Variants in DCAF5 observed in about 807,000 individuals in gnomAD.
The protein encoded by DCAF5 is DDB1 and CUL4 associated factor 5, also known as DDB1- and CUL4-associated factor 5.
A neutral mutation model predicts 80.7 loss-of-function variants in DCAF5; 9 were observed. The ratio of observed to expected loss-of-function variants is 0.11; its 90% CI spans 0.07 to 0.19. The LOEUF is 0.19. Among genes scored for constraint, DCAF5 ranks in the 10% least tolerant of loss-of-function variants. The pLI, the probability that DCAF5 is intolerant of heterozygous loss-of-function variation, is 1.00. For missense variants in DCAF5, 842 were observed against 1,205.7 expected (o/e 0.70, Z 4.47); for synonymous variants, 433 against 461.9 (o/e 0.94, Z 0.80).
At chr14:69,103,160 T>C (rs555156128) in intron 5 of DCAF5, among the ~76,000 whole-genome samples, 2 of 152,334 alleles carry the variant, frequency 1.3e-5, no homozygotes, top group East Asian at 3.9e-4. Context: ...GAGTGAAAAG[T>C]CCAGTTGTAG....
At chr14:69,077,309 C>A (rs2038936746) in intron 6 of DCAF5, among the ~76,000 whole-genome samples, 1 of 151,428 alleles carries the variant, frequency 6.6e-6, no homozygotes, top group Non-Finnish European at 1.5e-5. Flanking sequence ...CTCCAGTGAT[C>A]CTCCTGCTTC....
At chr14:69,074,407 A>AG (rs560181236) in intron 7 of DCAF5, among the ~76,000 whole-genome samples, 107 of 151,926 alleles carry the variant, frequency 7.0e-4, no homozygotes, top group Middle Eastern at 3.4e-3. Flanking sequence ...GAAAAAGAAA[A>AG]GGGGGGGGAA....
intron 1 of DCAF5, among the ~76,000 whole-genome samples, chr14:69,131,811 G>T (rs1295838355): frequency 3.3e-5 from 5 of 149,320 alleles, no homozygotes; most frequent in Non-Finnish European, 7.4e-5. Flanking sequence ...GAGTTTTGTG[G>T]CATTAACTAC....
chr14:69,107,198 C>G (rs1488976299), intron 5 of DCAF5, among the ~76,000 whole-genome samples: 1 of 152,046 alleles, frequency 6.6e-6, no homozygotes, highest in Admixed American at 6.5e-5. Flanking sequence ...CCAGGCATTC[C>G]CCAGATGCTC....
At chr14:69,084,053 C>A (rs758249042) in intron 6 of DCAF5, 7 of 780,778 alleles carry the variant, frequency 9.0e-6, no homozygotes, top group Non-Finnish European at 2.4e-6. Flanking sequence ...CTACAAAAAC[C>A]GTCAGTGGTA....
chr14:69,130,814 T>C (rs1000139992), intron 1 of DCAF5, among the ~76,000 whole-genome samples: 8 of 152,194 alleles, frequency 5.3e-5, no homozygotes, highest in Non-Finnish European at 1.2e-4. Context: ...AAGATGGTGC[T>C]ATAGAAGGGT....
In DCAF5 at chr14:69,054,249, G is replaced by A. The variant is rs1251589262; in HGVS notation, c.2437C>T (p.Pro813Ser). The part of the protein sequence containing the change: ...STLNSGSGNC[P>S]RTQSDDSEER... ...TCACTGTCATCAGACTGGGTCCTGG[G>A]ACAGTTGCCAGACCCGCTGTTGAGA... Residue 813 changes from proline to serine, a missense_variant, in exon 9 of 9, where the codon CCC becomes TCC. By Grantham distance (74) the Pro-to-Ser change is moderately conservative. Transcript: ENST00000341516. The A allele has an allele frequency of 6.2e-7, 1 of 1,614,136 alleles. No individual in the cohort carries two copies. Among genetic ancestry groups the A allele is most frequent in the Non-Finnish European group, 8.5e-7 (1 of 1,180,054 alleles).
chr14:69,093,852 C>A (rs1285615155), intron 5 of DCAF5, among the ~76,000 whole-genome samples: 3 of 152,258 alleles, frequency 2.0e-5, no homozygotes, highest in East Asian at 3.9e-4. Flanking sequence ...CAAGGAGGGG[C>A]CTGGTATCCC....
intron 1 of DCAF5, among the ~76,000 whole-genome samples, chr14:69,139,251 C>G (rs1281895248): frequency 6.6e-6 from 1 of 151,646 alleles, no homozygotes; most frequent in African/African-American, 2.4e-5. Flanking sequence ...CTTTGGGAGG[C>G]AGGGTGGGAA....
intron 5 of DCAF5, among the ~76,000 whole-genome samples, chr14:69,097,048 A>C (rs947387892): frequency 6.6e-6 from 1 of 152,164 alleles, no homozygotes; most frequent in Non-Finnish European, 1.5e-5. Context: ...CAAGACAAGA[A>C]GTTGGGGTGG....
intron 1 of DCAF5, among the ~76,000 whole-genome samples, chr14:69,147,886 A>G (rs562094342): frequency 9.9e-5 from 15 of 152,284 alleles, no homozygotes; most frequent in Non-Finnish European, 2.1e-4. Flanking sequence ...TGCTAGCTCT[A>G]TAAGTTCCAA....
intron 3 of DCAF5, 161 bp downstream of exon 3, chr14:69,119,031 CTT>C: frequency 1.6e-6 from 1 of 642,246 alleles, no homozygotes; most frequent in Non-Finnish European, 2.5e-6. Context: ...TAAATCAAAA[CTT>C]TATTTATTTC....
intron 5 of DCAF5, among the ~76,000 whole-genome samples, chr14:69,095,813 C>G (rs1424546579): frequency 6.6e-6 from 1 of 152,086 alleles, no homozygotes; most frequent in African/African-American, 2.4e-5. Context: ...CTGGTGGTAC[C>G]AACAAGATTT....
At chr14:69,093,868 G>A (rs2039610635) in intron 5 of DCAF5, among the ~76,000 whole-genome samples, 1 of 152,134 alleles carries the variant, frequency 6.6e-6, no homozygotes, top group African/African-American at 2.4e-5. Flanking sequence ...ATCCCTGCAG[G>A]CCCCAAGTAG....
chr14:69,050,995 G>C lies in DCAF5; in HGVS notation c.*2862C>G, dbSNP rs1457162505. Reference sequence around the variant, plus strand: ...CGTTACTGGGTGAGAAGGAGGTAAGGCTTCAGCAGAGGAAGGCACCTTGAC... The same window carrying C: ...CGTTACTGGGTGAGAAGGAGGTAAGCCTTCAGCAGAGGAAGGCACCTTGAC... On this transcript the variant is annotated 3_prime_UTR_variant, in exon 9 of 9. Coordinates refer to ENST00000341516, the MANE Select transcript of DCAF5 (RefSeq NM_003861.3). The C allele has an allele frequency of 6.6e-6, 1 of 152,598 alleles. No homozygotes were observed. Among genetic ancestry groups the C allele is most frequent in the African/African-American group, 2.4e-5 (1 of 41,430 alleles). 9.5% of individuals were successfully genotyped at this position (152,598 alleles called of 1,614,324 possible).
chr14:69,109,965 C>T (rs986629953), intron 5 of DCAF5, among the ~76,000 whole-genome samples: 1 of 152,136 alleles, frequency 6.6e-6, no homozygotes, highest in African/African-American at 2.4e-5. Flanking sequence ...TTGGTCCATA[C>T]CCTTGTTAAC....
At chr14:69,085,663 C>T (rs888009837) in intron 6 of DCAF5, among the ~76,000 whole-genome samples, 3 of 152,132 alleles carry the variant, frequency 2.0e-5, no homozygotes, top group Admixed American at 6.5e-5. Flanking sequence ...TTAAATATCC[C>T]TCCCTCATAC....
At chr14:69,068,159 A>G (rs2038537271) in intron 7 of DCAF5, among the ~76,000 whole-genome samples, 1 of 152,208 alleles carries the variant, frequency 6.6e-6, no homozygotes, top group Non-Finnish European at 1.5e-5. Context: ...GCCCATGCAC[A>G]TCCTTTTTTC....
chr14:69,064,776 G>C (rs1048260663), intron 7 of DCAF5, among the ~76,000 whole-genome samples: 1 of 152,180 alleles, frequency 6.6e-6, no homozygotes, highest in African/African-American at 2.4e-5. Flanking sequence ...AATAGAACTG[G>C]ATCTGTCTTA....
Sources: allele counts gnomAD v4.1 joint callset (sites outside exome capture counted in the v4.1 genomes callset), GRCh38; gene constraint gnomAD v4.1.1; transcripts MANE v1.5; gene names NCBI Gene and HGNC (gene_info 2026-07-23, HGNC 2026-07-21).